The following MTERF4 variants were observed in gnomAD, a reference collection of about 807,000 sequenced individuals.
MTERF4 encodes transcription termination factor 4, mitochondrial.
Under a neutral mutation model 22.5 loss-of-function variants are expected in MTERF4, and 17 were observed. The ratio of observed to expected loss-of-function variants is 0.75; its 90% CI spans 0.52 to 1.13. The LOEUF is 1.13. MTERF4 is among the 50% of genes most tolerant of loss of function. The pLI is 0.00. For missense variants in MTERF4, 420 were observed against 466.8 expected (o/e 0.90, Z 0.92); for synonymous variants, 165 against 175.3 (o/e 0.94, Z 0.47).
In MTERF4 at chr2:241,102,228, G is replaced by C. The variant is rs779314587; in HGVS notation, c.21+25C>G. On this transcript the variant is annotated intron_variant, in intron 1 of 3. Coordinates refer to ENST00000391980, the MANE Select transcript of MTERF4 (RefSeq NM_182501.4). The stretch of plus-strand genomic sequence containing the variant: ...GCCCGCCCGCCTGCGACCCGGAGAA[G>C]CCCGCGCGCCCAGCTCGAGCTTACC... 12 of 1,548,614 alleles carry C rather than the reference G, an allele frequency of 7.7e-6. No individual in the cohort carries two copies. The East Asian group carries it at 2.9e-4, about 38-fold the overall frequency.
rs765283404 is a variant in MTERF4 at position 241,099,886 on chromosome 2, A to G, written c.30T>C (p.Asp10=). 3 of 1,612,026 alleles carry G rather than the reference A, an allele frequency of 1.9e-6. No individual in the cohort carries two copies. The highest frequency in any genetic ancestry group is 2.5e-6 in the Non-Finnish European group (3 of 1,179,988). MAAFGRQVL[D]WHRLIPLTWA... is the part of the protein sequence containing the mutation. The stretch of plus-strand genomic sequence containing the variant: ...AGGTGAGGGGGATCAGGCGGTGCCA[A>G]TCAAGGACCTGTAAGACACAGGACC... The change falls in exon 2 of 4, where the codon GAT becomes GAC. Residue 10 remains aspartate, a synonymous_variant. Coordinates refer to ENST00000391980, the MANE Select transcript of MTERF4 (RefSeq NM_182501.4).
chr2:241,070,458 C>T (rs560981817), downstream of MTERF4, among the ~76,000 whole-genome samples: 2 of 152,242 alleles, frequency 1.3e-5, no homozygotes, highest in East Asian at 1.9e-4. Flanking sequence ...CGGACCCTCC[C>T]GTAGATCCCA....
At chr2:241,051,987 G>C in the MTERF4 span, 2 of 1,552,488 alleles carry the variant, frequency 1.3e-6, no homozygotes, top group Non-Finnish European at 1.8e-6. The surrounding 1 kb of genome is among the most constrained non-coding windows in gnomAD (Gnocchi z 4.7). Flanking sequence ...CTGGGATGTT[G>C]GGGAACGTGG....
rs751024764 is a variant in MTERF4 at position 241,096,474 on chromosome 2, C to G, written c.706-36G>C. On this transcript the variant is annotated intron_variant, in intron 3 of 3. Transcript: ENST00000391980. The surrounding 1 kb of genome is among the most constrained non-coding windows in gnomAD (Gnocchi z 5.1). ...CAAACACACTTAGGAGTCCCAGATA[C>G]AGAGTATTGAAACCTATCATTCTAT... The G allele has an allele frequency of 1.2e-6, 2 of 1,602,202 alleles. No individual in the cohort carries two copies. Among genetic ancestry groups the G allele is most frequent in the Admixed American group, 3.3e-5 (2 of 59,820 alleles).
rs147227035 is a variant in MTERF4 at position 241,099,633 on chromosome 2, C to A, written c.283G>T (p.Val95Phe). Residue 95 changes from valine to phenylalanine, a missense_variant, in exon 2 of 4, where the codon GTC becomes TTC. By Grantham distance (50) the Val-to-Phe change is conservative. Transcript: ENST00000391980. ...CCCATGTCCAGGAGGGAACTCATGA[C>A]CCTCTCTAGCTCCAAGGACCCTTGT... ...VVQGSLELER[V>F]MSSLLDMGFS... 4 of 1,614,058 alleles carry A rather than the reference C, an allele frequency of 2.5e-6. No individual in the cohort carries two copies. The African/African-American group carries it at 4.0e-5, about 16-fold the overall frequency.
chr2:241,088,479 C>CA, downstream of MTERF4: 2 of 1,174,914 alleles, frequency 1.7e-6, no homozygotes. Context: ...CCCGGGATCT[C>CA]AGAGTGCCGC....
downstream of MTERF4, chr2:241,091,772 T>A (rs2064023512): frequency 2.0e-5 from 3 of 152,312 alleles, no homozygotes; most frequent in Admixed American, 1.3e-4. This position sits in a 1 kb window ranked among gnomAD's most constrained non-coding sequence, Gnocchi z 4.1. Flanking sequence ...CTGTGACCTC[T>A]CTCCTCAGGC....
At position 241,099,515 on chromosome 2, in the gene MTERF4, A is replaced by G; in HGVS notation, c.401T>C (p.Leu134Ser). The G allele has an allele frequency of 6.2e-7, 1 of 1,614,242 alleles. No homozygotes were observed. Among genetic ancestry groups the G allele is most frequent in the South Asian group, 1.1e-5 (1 of 91,086 alleles). ...LLDIISEFIL[L>S]GLNPEPVCVV... Reference sequence around the variant, plus strand: ...ACACACAGGCTCTGGATTCAGACCCAAGAGAATAAATTCTGAAATGATGTC... The same window carrying G: ...ACACACAGGCTCTGGATTCAGACCCGAGAGAATAAATTCTGAAATGATGTC... Residue 134 changes from leucine to serine, a missense_variant, in exon 2 of 4, where the codon TTG becomes TCG. Transcript: ENST00000391980.
the MTERF4 span, chr2:241,062,989 CTG>C: frequency 3.5e-6 from 3 of 857,874 alleles, no homozygotes; most frequent in African/African-American, 5.1e-5. Flanking sequence ...GGACAGGTCT[CTG>C]TCTGGATGGC....
At chr2:241,097,040 G>T in intron 3 of MTERF4, 1 of 618,020 alleles carries the variant, frequency 1.6e-6, no homozygotes. Context: ...AGAGAATCTA[G>T]TCTTTCACTT....
At chr2:241,092,244 C>A (rs1209819282), downstream of MTERF4, 1 of 152,184 alleles carries the variant, frequency 6.6e-6, no homozygotes, top group South Asian at 2.1e-4. This position sits in a 1 kb window ranked among gnomAD's most constrained non-coding sequence, Gnocchi z 4.6. Context: ...CTAGTTAACA[C>A]TAAGGTGGAG....
the MTERF4 span, chr2:241,065,320 T>C: frequency 6.2e-7 from 1 of 1,612,710 alleles, no homozygotes; most frequent in Non-Finnish European, 8.5e-7. Context: ...CCGACGGCCC[T>C]CAAGATGGAG....
chr2:241,082,142 C>G, downstream of MTERF4: 3 of 684,192 alleles, frequency 4.4e-6, no homozygotes, highest in Admixed American at 7.6e-5. Context: ...GACCCCCGGG[C>G]CCTCTCCCAC....
chr2:241,071,711 A>G, downstream of MTERF4: 4 of 793,360 alleles, frequency 5.0e-6, no homozygotes, highest in Non-Finnish European at 7.1e-6. Flanking sequence ...ACCCCCACCC[A>G]GCCCCCCAGG....
chr2:241,065,815 G>A, the MTERF4 span, among the ~76,000 whole-genome samples: 1 of 152,206 alleles, frequency 6.6e-6, no homozygotes, highest in South Asian at 2.1e-4. Context: ...GGATTGGGGC[G>A]CATAGAATCG....
downstream of MTERF4, among the ~76,000 whole-genome samples, chr2:241,083,909 G>GTTTTCTATTTTTCCCACCTGCTTTT (rs1553595713): frequency 0.012 from 1,830 of 151,680 alleles, 31 homozygotes; most frequent in African/African-American, 0.042. Context: ...ATTACTATTT[G>GTTTTCTATTTTTCCCACCTGCTTTT]TTTTCTATTT....
chr2:241,061,797 G>T, the MTERF4 span, among the ~76,000 whole-genome samples: 1 of 150,428 alleles, frequency 6.6e-6, no homozygotes, highest in South Asian at 2.1e-4. Flanking sequence ...AGGTTGTGGT[G>T]AGCCAAGATC....
chr2:241,060,600 C>T, the MTERF4 span, among the ~76,000 whole-genome samples: 2 of 151,948 alleles, frequency 1.3e-5, no homozygotes, highest in East Asian at 1.9e-4. Flanking sequence ...ATTTTTCATA[C>T]ACTGGAATTA....
At chr2:241,079,036 C>T (rs2063189386) in intron 4 of MTERF4, among the ~76,000 whole-genome samples, 1 of 151,400 alleles carries the variant, frequency 6.6e-6, no homozygotes, top group Non-Finnish European at 1.5e-5. Context: ...ATTGCTTGAA[C>T]CCAGGAGGCG....
Sources: allele counts gnomAD v4.1 joint callset (sites outside exome capture counted in the v4.1 genomes callset), GRCh38; gene constraint gnomAD v4.1.1; non-coding constraint Gnocchi (gnomAD v3.1); transcripts MANE v1.5; gene names NCBI Gene and HGNC (gene_info 2026-07-23, HGNC 2026-07-21).